CUX1: variants seen among roughly 807,000 people sequenced by gnomAD.
The protein encoded by CUX1 is cut like homeobox 1.
Under a neutral mutation model 158.8 loss-of-function variants are expected in CUX1, and 31 were observed. The observed-to-expected ratio is 0.20, with a 90% CI of 0.15 to 0.26. The LOEUF is 0.26. Among genes scored for constraint, CUX1 ranks in the 10% least tolerant of loss-of-function variants. The pLI is 1.00. For missense variants in CUX1, 1,589 were observed against 2,014.6 expected (o/e 0.79, Z 4.04); for synonymous variants, 879 against 862.1 (o/e 1.02, Z -0.34).
chr7:101,895,237 T>C (rs1446631663), intron 1 of CUX1, among the ~76,000 whole-genome samples: 2 of 152,146 alleles, frequency 1.3e-5, no homozygotes. Context: ...GCCAGGCTGG[T>C]CTTGAACTCC....
chr7:101,827,106 C>T (rs1471063120), intron 1 of CUX1, among the ~76,000 whole-genome samples: 1 of 151,990 alleles, frequency 6.6e-6, no homozygotes, highest in Non-Finnish European at 1.5e-5. Flanking sequence ...TCTTTCTTTG[C>T]AAAGTAACAT....
At chr7:101,859,963 CCTTT>C (rs1401669066) in intron 1 of CUX1, among the ~76,000 whole-genome samples, 4 of 150,378 alleles carry the variant, frequency 2.7e-5, no homozygotes, top group East Asian at 2.0e-4. Flanking sequence ...TCTTCCTTCC[CCTTT>C]CTTTTTCCTT....
chr7:102,187,361 T>A (rs1180009971), intron 11 of CUX1, among the ~76,000 whole-genome samples: 1 of 151,104 alleles, frequency 6.6e-6, no homozygotes, highest in African/African-American at 2.4e-5. Context: ...AAACAAAGAG[T>A]CCCACTGTTG....
chr7:102,175,319 T>C (rs1792192761), intron 10 of CUX1, among the ~76,000 whole-genome samples: 1 of 152,242 alleles, frequency 6.6e-6, no homozygotes, highest in African/African-American at 2.4e-5. Flanking sequence ...TGGCTGGTTT[T>C]ACTGACCCTT....
intron 1 of CUX1, among the ~76,000 whole-genome samples, chr7:101,882,016 C>CAAA (rs34166665): frequency 2.1e-5 from 1 of 48,538 alleles, no homozygotes; most frequent in Non-Finnish European, 4.0e-5. Flanking sequence ...TGTCTCTACC[C>CAAA]AAAAATAAAA....
chr7:101,911,555 C>G (rs985533460), intron 1 of CUX1, among the ~76,000 whole-genome samples: 6 of 152,106 alleles, frequency 3.9e-5, no homozygotes, highest in Non-Finnish European at 8.8e-5. Flanking sequence ...TGACCTTGGC[C>G]CTCCAGTGGA....
upstream of CUX1, chr7:101,817,401 C>G (rs1562878158): frequency 1.0e-6 from 1 of 984,556 alleles, no homozygotes; most frequent in Non-Finnish European, 1.2e-6. This position sits in a 1 kb window ranked among gnomAD's most constrained non-coding sequence, Gnocchi z 4.1. Context: ...GAAAGCAGAG[C>G]CCCGGGGGCC....
At position 102,201,357 on chromosome 7, in the gene CUX1, C is replaced by A; in HGVS notation, c.2063-3C>A. On this transcript the variant is annotated splice_polypyrimidine_tract_variant and splice_region_variant and intron_variant, in intron 17 of 23. Transcript: ENST00000292535. This position sits in a 1 kb window ranked among gnomAD's most constrained non-coding sequence, Gnocchi z 5.0. Reference sequence around the variant, plus strand: ...ACACTCTCACCCCTGTTTCTCCATGCAGCAGAGCCGGCCCAGCCTTCCTCC... The same window carrying A: ...ACACTCTCACCCCTGTTTCTCCATGAAGCAGAGCCGGCCCAGCCTTCCTCC... 1 of 1,611,780 alleles carries A rather than the reference C, an allele frequency of 6.2e-7. No individual in the cohort carries two copies. The highest frequency in any genetic ancestry group is 8.5e-7 in the Non-Finnish European group (1 of 1,178,806).
chr7:101,898,440 C>T (rs1002856571), intron 1 of CUX1, among the ~76,000 whole-genome samples: 2 of 152,144 alleles, frequency 1.3e-5, no homozygotes, highest in South Asian at 2.1e-4. Flanking sequence ...GGGAAGTCTC[C>T]AATGCCATTC....
chr7:102,136,365 T>C (rs1404185484), intron 8 of CUX1, among the ~76,000 whole-genome samples: 7 of 152,150 alleles, frequency 4.6e-5, no homozygotes, highest in African/African-American at 1.7e-4. Context: ...ACCTATTTTT[T>C]CTGTATGCAT....
At chr7:101,981,939 A>G (rs1164810648) in intron 2 of CUX1, among the ~76,000 whole-genome samples, 1 of 152,194 alleles carries the variant, frequency 6.6e-6, no homozygotes, top group Non-Finnish European at 1.5e-5. Context: ...TAATAAAACC[A>G]GGGAGGTTTC....
At chr7:102,149,945 G>A (rs1835452014) in intron 8 of CUX1, among the ~76,000 whole-genome samples, 1 of 152,106 alleles carries the variant, frequency 6.6e-6, no homozygotes, top group African/African-American at 2.4e-5. Context: ...TGCAGTGTAG[G>A]TTGTGGTGAA....
chr7:102,089,742 T>C (rs1046018459), intron 4 of CUX1, among the ~76,000 whole-genome samples: 2 of 152,268 alleles, frequency 1.3e-5, no homozygotes, highest in African/African-American at 4.8e-5. Context: ...TCTGCAGATT[T>C]CTGTAGCTCT....
intron 4 of CUX1, among the ~76,000 whole-genome samples, chr7:102,093,800 T>C (rs1420288886): frequency 2.6e-5 from 4 of 152,218 alleles, no homozygotes; most frequent in African/African-American, 9.6e-5. Flanking sequence ...TTTACAAGAT[T>C]GTCGCATTGG....
At chr7:102,140,747 C>T (rs1325153630) in intron 8 of CUX1, among the ~76,000 whole-genome samples, 1 of 151,900 alleles carries the variant, frequency 6.6e-6, no homozygotes, top group African/African-American at 2.4e-5. Flanking sequence ...CGCCTGTAAT[C>T]CCAGCTATTG....
chr7:102,269,575 T>C (rs1041016854), intron 14 of CUX1, among the ~76,000 whole-genome samples: 2 of 86,546 alleles, frequency 2.3e-5, no homozygotes, highest in Non-Finnish European at 2.8e-5. Context: ...CCGGCTAATT[T>C]TTTTTTTTTT....
At chr7:102,281,787 G>A in intron 20 of CUX1, 2 of 1,226,132 alleles carry the variant, frequency 1.6e-6, no homozygotes, top group Non-Finnish European at 2.4e-6. Context: ...AGGCAGCCCT[G>A]CAGGGGTGGG....
At position 101,821,386 on chromosome 7, in the gene CUX1, C is replaced by T. The variant is rs145028429; in HGVS notation, c.30+3717C>T. 3.2e-3 allele frequency among the ~76,000 whole-genome samples: 489 copies of T among 151,258 alleles called. 12 individuals carry two copies. In the East Asian group the frequency reaches 0.068, roughly 21 times the overall value. ...CAGAGTCTCGCTCTTTCGCCCAGGC[C>T]GGAGTGCAGAGGCACTATCTCAGCT... On this transcript the variant is annotated intron_variant, in intron 1 of 23. Coordinates refer to ENST00000292535, the MANE Select transcript of CUX1 (RefSeq NM_181552.4).
chr7:102,279,676 G>C (rs1563532263), intron 18 of CUX1, among the ~76,000 whole-genome samples: 1 of 152,156 alleles, frequency 6.6e-6, no homozygotes, highest in Non-Finnish European at 1.5e-5. Context: ...CTGGCTCTGG[G>C]TGGCCAGCTG....
Sources: allele counts gnomAD v4.1 joint callset (sites outside exome capture counted in the v4.1 genomes callset), GRCh38; gene constraint gnomAD v4.1.1; non-coding constraint Gnocchi (gnomAD v3.1); transcripts MANE v1.5; gene names NCBI Gene and HGNC (gene_info 2026-07-23, HGNC 2026-07-21).